The following ZNF213 variants were observed in gnomAD, a reference collection of about 807,000 sequenced individuals.
ZNF213 encodes putative transcription factor CR53.
A neutral mutation model predicts 46.0 loss-of-function variants in ZNF213; 32 were observed. The observed-to-expected ratio is 0.70, with a 90% CI of 0.52 to 0.93. ZNF213 has a LOEUF of 0.93. Ranked by LOEUF, ZNF213 falls within the 40% of genes least tolerant of loss-of-function variation. The probability of loss-of-function intolerance (pLI) is 0.00; values close to 1 mark genes in which losing one functional copy is unlikely to be tolerated. For missense variants in ZNF213, 639 were observed against 652.8 expected (o/e 0.98, Z 0.23); for synonymous variants, 297 against 271.0 (o/e 1.10, Z -0.94).
At chr16:3,136,584 G>A (rs1957540204) in intron 1 of ZNF213, among the ~76,000 whole-genome samples, 4 of 152,120 alleles carry the variant, frequency 2.6e-5, no homozygotes. Flanking sequence ...GGACGTGGTA[G>A]CTGGTGCCTG....
rs1236382282 is a variant in ZNF213, at chr16:3,142,179, A to G, written c.*832A>G. 4 of 204,844 alleles carry G rather than the reference A, an allele frequency of 2.0e-5. No individual in the cohort carries two copies. The allele number at this position is 204,844 out of a possible 1,614,324, so 12.7% of individuals were successfully genotyped here. A position where few individuals can be genotyped will look rare whatever the true frequency, so the allele number is the denominator to read the frequency against. Reference sequence around the variant, plus strand: ...TCCATCAGCACTAGCACCTCACTCCATCGGCCCCGGCACCCTGCTCCATCG... The same window carrying G: ...TCCATCAGCACTAGCACCTCACTCCGTCGGCCCCGGCACCCTGCTCCATCG... On this transcript the variant is annotated 3_prime_UTR_variant, in exon 6 of 6. Coordinates refer to ENST00000396878, the MANE Select transcript of ZNF213 (RefSeq NM_004220.3).
intron 5 of ZNF213, 96 bp downstream of exon 5, chr16:3,139,194 C>T: frequency 6.5e-7 from 1 of 1,535,356 alleles, no homozygotes; most frequent in South Asian, 1.2e-5. Context: ...GGTTCCAAAG[C>T]AGGCTCTCCC....
chr16:3,140,371 G>A (rs966226224), intron 5 of ZNF213: 4 of 212,426 alleles, frequency 1.9e-5, no homozygotes, highest in Admixed American at 5.9e-5. Context: ...ACAGATGTGC[G>A]CCACCATGCC....
chr16:3,136,617 T>C (rs1957540625), intron 1 of ZNF213, among the ~76,000 whole-genome samples: 1 of 151,612 alleles, frequency 6.6e-6, no homozygotes, highest in Non-Finnish European at 1.5e-5. Flanking sequence ...CTTGGGAGGC[T>C]GAAGCAGGAG....
intron 5 of ZNF213, chr16:3,139,455 C>T (rs766539550): frequency 4.9e-5 from 11 of 223,744 alleles, no homozygotes; most frequent in African/African-American, 7.0e-5. Context: ...AGTTGTGAGG[C>T]CACCTTGGGC....
intron 1 of ZNF213, 54 bp from the exon 2 acceptor site, chr16:3,137,112 C>A: frequency 1.2e-6 from 1 of 857,614 alleles, no homozygotes; most frequent in African/African-American, 1.7e-5. Flanking sequence ...CTGGGGTTTG[C>A]TCGTGTATTC....
rs1290208224 is a variant in ZNF213, at chr16:3,142,191, ACCCTGCTCCATCGGCACTGGCG to A, written c.*863_*884del. On this transcript the variant is annotated 3_prime_UTR_variant, in exon 6 of 6. Coordinates refer to ENST00000396878, the MANE Select transcript of ZNF213 (RefSeq NM_004220.3). ...AGCACCTCACTCCATCGGCCCCGGC[ACCCTGCTCCATCGGCACTGGCG>A]CCCTGCTCCATCGGCACTAATGCTC... 4.1e-4 allele frequency: 83 copies of A among 201,766 alleles called. No individual in the cohort carries two copies. The highest frequency in any genetic ancestry group is 2.6e-3 in the South Asian group (48 of 18,790). The allele number at this position is 201,766 out of a possible 1,614,324, so 12.5% of individuals were successfully genotyped here.
chr16:3,137,820 T>G, intron 2 of ZNF213, 141 bp downstream of exon 2: 1 of 1,066,970 alleles, frequency 9.4e-7, no homozygotes, highest in East Asian at 2.6e-5. Context: ...ACAAGCACAG[T>G]GTGCCATGGG....
In ZNF213 at chr16:3,141,178, GCGAC is replaced by G; in HGVS notation, c.1212_1215del (p.Asp405AlafsTer141). On this transcript the variant is annotated frameshift_variant, in exon 6 of 6. Transcript: ENST00000396878. LOFTEE classifies it high-confidence loss of function. ...ACGGGCGAGAAGCCTTTCGGCTGCA[GCGAC>G]TGCGGCAAGAGCTTCTCGCTGCGCT... The G allele has an allele frequency of 1.2e-6, 2 of 1,612,410 alleles. No individual in the cohort carries two copies. Among genetic ancestry groups the G allele is most frequent in the Non-Finnish European group, 1.7e-6 (2 of 1,179,894 alleles).
intron 5 of ZNF213, 137 bp from the exon 6 acceptor site, chr16:3,140,552 T>G (rs2141539547): frequency 3.2e-6 from 4 of 1,257,422 alleles, no homozygotes; most frequent in Non-Finnish European, 4.1e-6. Flanking sequence ...ATGAGGAACC[T>G]GAGAATTCAG....
intron 5 of ZNF213, 92 bp downstream of exon 5, chr16:3,139,190 A>G (rs1957576153): frequency 6.5e-7 from 1 of 1,545,052 alleles, no homozygotes; most frequent in Non-Finnish European, 8.7e-7. Context: ...AGCTGGTTCC[A>G]AAGCAGGCTC....
At position 3,140,686 on chromosome 16, in the gene ZNF213, C is replaced by G. The variant is rs1339351976; in HGVS notation, c.722-3C>G. The stretch of plus-strand genomic sequence containing the variant: ...TGAAGAGGTCGCCTCCTTCCCCTTG[C>G]AGGTTTTGGGCTCAAAGGCCAAAGT... On this transcript the variant is annotated splice_region_variant and splice_polypyrimidine_tract_variant and intron_variant, in intron 5 of 5. Coordinates refer to ENST00000396878, the MANE Select transcript of ZNF213 (RefSeq NM_004220.3). The G allele has an allele frequency of 6.7e-7, 1 of 1,500,326 alleles. No homozygotes were observed. The highest frequency in any genetic ancestry group is 1.5e-5 in the African/African-American group (1 of 68,776). 92.9% of individuals were successfully genotyped at this position (1,500,326 alleles called of 1,614,324 possible). A position where few individuals can be genotyped will look rare whatever the true frequency, so the allele number is the denominator to read the frequency against.
At chr16:3,138,201 C>A in intron 2 of ZNF213, 1 of 901,336 alleles carries the variant, frequency 1.1e-6, no homozygotes, top group Non-Finnish European at 1.6e-6. Flanking sequence ...CCTTTCAGGG[C>A]TGGTTCTTGC....
rs149909206 is a variant in ZNF213 at position 3,139,004 on chromosome 16, C to T, written c.627C>T (p.Phe209=). 3.1e-6 allele frequency: 5 copies of T among 1,614,202 alleles called. No homozygotes were observed. The highest frequency in any genetic ancestry group is 1.1e-5 in the South Asian group (1 of 91,082). ...HGPVALGDIP[F]YFSREEWGTL... Reference sequence around the variant, plus strand: ...CTGTGGCATTGGGAGACATCCCATTCTATTTCTCCCGGGAAGAATGGGGCA... The same window carrying T: ...CTGTGGCATTGGGAGACATCCCATTTTATTTCTCCCGGGAAGAATGGGGCA... The change falls in exon 5 of 6, where the codon TTC becomes TTT. Residue 209 remains phenylalanine, a synonymous_variant. Transcript: ENST00000396878.
Position 3,142,126 on chromosome 16 carries a change from T to C in ZNF213, c.*779T>C, listed in dbSNP as rs1304855804. 1 of 169,410 alleles carries C rather than the reference T, an allele frequency of 5.9e-6. No individual in the cohort carries two copies. The highest frequency in any genetic ancestry group is 6.4e-5 in the Admixed American group (1 of 15,548). The allele number at this position is 169,410 out of a possible 1,614,324, so 10.5% of individuals were successfully genotyped here. ...GGTGGGGCTGCACCAGACTCAGCAC[T>C]AGCACTCCATCAGCACTAGCACCTC... On this transcript the variant is annotated 3_prime_UTR_variant, in exon 6 of 6. Transcript: ENST00000396878.
At position 3,137,532 on chromosome 16, in the gene ZNF213, C is replaced by T; in HGVS notation, c.252C>T (p.Ile84=). Reference sequence around the variant, plus strand: ...CCGAGCTGCGTACCAAGGAGCAGATCCTGGAGCTGCTGGTGCTGGAGCAGT... The same window carrying T: ...CCGAGCTGCGTACCAAGGAGCAGATTCTGGAGCTGCTGGTGCTGGAGCAGT... ...LRPELRTKEQ[I]LELLVLEQFL... The change falls in exon 2 of 6, where the codon ATC becomes ATT. Residue 84 remains isoleucine (I), a synonymous_variant. Coordinates refer to ENST00000396878, the MANE Select transcript of ZNF213 (RefSeq NM_004220.3). 6.2e-7 allele frequency: 1 copy of T among 1,614,020 alleles called. No individual in the cohort carries two copies. The highest frequency in any genetic ancestry group is 8.5e-7 in the Non-Finnish European group (1 of 1,180,030).
Position 3,141,208 on chromosome 16 carries a change from C to G in ZNF213, c.1241C>G (p.Ser414Cys), listed in dbSNP as rs780330471. 5 of 1,612,666 alleles carry G rather than the reference C, an allele frequency of 3.1e-6. No homozygotes were observed. Among genetic ancestry groups the G allele is most frequent in the Non-Finnish European group, 4.2e-6 (5 of 1,179,924 alleles). ...SDCGKSFSLRSYLLDHRRVHT... is the reference protein window; with the variant it reads ...SDCGKSFSLRCYLLDHRRVHT... ...TGCGGCAAGAGCTTCTCGCTGCGCT[C>G]CTACCTGCTGGACCATCGGCGTGTG... The change falls in exon 6 of 6, where the codon TCC becomes TGC. Residue 414 changes from serine to cysteine, a missense_variant. Coordinates refer to ENST00000396878, the MANE Select transcript of ZNF213 (RefSeq NM_004220.3).
In ZNF213 at chr16:3,141,627, T is replaced by G; in HGVS notation, c.*280T>G. ...TCTAGTTTCCTGGAGCCCCAACACA[T>G]TCCTGGCAGGGACAGCAGGGTGGCA... On this transcript the variant is annotated 3_prime_UTR_variant, in exon 6 of 6. Coordinates refer to ENST00000396878, the MANE Select transcript of ZNF213 (RefSeq NM_004220.3). The G allele has an allele frequency of 1.5e-5, 7 of 453,534 alleles. No individual in the cohort carries two copies. The highest frequency in any genetic ancestry group is 2.7e-5 in the Non-Finnish European group (7 of 256,316). 28.1% of individuals were successfully genotyped at this position (453,534 alleles called of 1,614,324 possible). A position where few individuals can be genotyped will look rare whatever the true frequency, so the allele number is the denominator to read the frequency against.
rs1326983811 is a variant in ZNF213, at chr16:3,141,332, C to T, written c.1365C>T (p.Ala455=). 3.2e-6 allele frequency: 5 copies of T among 1,564,336 alleles called. No homozygotes were observed. Among genetic ancestry groups the T allele is most frequent in the Admixed American group, 1.8e-5 (1 of 56,804 alleles). ...ATCAGAGCCTGCACGCCAAGATGGC[C>T]CAGCCCGTGGGGTGAGCAGCTGGCT... ...IAHQSLHAKM[A]QPVG is the part of the protein sequence containing the mutation. Residue 455 remains alanine, a synonymous_variant, in exon 6 of 6, where the codon GCC becomes GCT. Transcript: ENST00000396878.
Sources: gnomAD v4.1 joint callset for allele counts (sites outside exome capture counted in the v4.1 genomes callset) on GRCh38, gnomAD v4.1.1 for gene constraint, MANE v1.5 for transcripts, NCBI Gene and HGNC (gene_info 2026-07-23, HGNC 2026-07-21) for gene names.